Variants in KCNC3 observed in about 807,000 individuals in gnomAD.
KCNC3 encodes the protein potassium voltage-gated channel subfamily C member 3, also known as voltage-gated potassium channel KCNC3.
Under a neutral mutation model 43.9 loss-of-function variants are expected in KCNC3, and 22 were observed. That is an observed-to-expected ratio of 0.50 (90% CI 0.36 to 0.72). The LOEUF (loss-of-function observed/expected upper bound fraction) is 0.72, where lower values mean the gene tolerates loss of function less well. Among genes scored for constraint, KCNC3 ranks in the 30% least tolerant of loss-of-function variants. The pLI is 0.00. For missense variants in KCNC3, 829 were observed against 1,073.8 expected, an observed-to-expected ratio of 0.77 and a Z score of 3.19; for synonymous variants, 492 against 488.0, an observed-to-expected ratio of 1.01 and a Z score of -0.11.
intron 4 of KCNC3, among the ~76,000 whole-genome samples, chr19:50,317,485 G>C (rs969653865): frequency 1.3e-5 from 2 of 152,100 alleles, no homozygotes; most frequent in Non-Finnish European, 2.9e-5. Context: ...TTCCACAGAC[G>C]GCTGTTGAAT....
rs1347521142 is a variant in KCNC3 at position 50,314,724 on chromosome 19, A to T, written c.*1391T>A. On this transcript the variant is annotated 3_prime_UTR_variant, in exon 5 of 5. Transcript: ENST00000477616. ...CCCGGGGGTGTCTGCTGGCATCGTC[A>T]TCTCGGTTGCATATTATTAATGACT... 2 of 439,978 alleles carry T rather than the reference A, an allele frequency of 4.5e-6. No homozygotes were observed. Among genetic ancestry groups the T allele is most frequent in the East Asian group, 8.3e-5 (1 of 12,088 alleles). 27.3% of individuals were successfully genotyped at this position (439,978 alleles called of 1,614,324 possible).
At position 50,322,801 on chromosome 19, in the gene KCNC3, A is replaced by G. The variant is rs546159113; in HGVS notation, c.1978+174T>C. On this transcript the variant is annotated intron_variant, in intron 2 of 4. Coordinates refer to ENST00000477616, the MANE Select transcript of KCNC3 (RefSeq NM_004977.3). ...CCCAAAACTCTTTCCCATGAAACCTATGTCTCTGTGTGATTATCTGTGCCT... is the reference window on the plus strand; with the variant it reads ...CCCAAAACTCTTTCCCATGAAACCTGTGTCTCTGTGTGATTATCTGTGCCT... Among the ~76,000 whole-genome samples the G allele has an allele frequency of 2.6e-5, 4 of 152,086 alleles. 1 individual carries two copies. In the South Asian group the frequency reaches 6.2e-4, roughly 24 times the overall value.
chr19:50,326,210 G>GT (rs1433183887), intron 1 of KCNC3, among the ~76,000 whole-genome samples: 3 of 152,166 alleles, frequency 2.0e-5, no homozygotes, highest in Non-Finnish European at 4.4e-5. Flanking sequence ...GAGTAAATGA[G>GT]TATCTCCCGT....
chr19:50,331,654 CT>C (rs1214138168), upstream of KCNC3, among the ~76,000 whole-genome samples: 1 of 150,832 alleles, frequency 6.6e-6, no homozygotes, highest in East Asian at 2.0e-4. Context: ...ATTTCCCCCT[CT>C]TCCGTCTCTT....
At position 50,329,359 on chromosome 19, in the gene KCNC3, C is replaced by T. The variant is rs1274497801; in HGVS notation, c.-277G>A. ...AGGGAGGAGGGGCGGGGCGGGGCGT[C>T]AAGGGAGGCGGGACCGGTTACTACT... is the stretch of plus-strand genomic sequence containing the variant. On this transcript the variant is annotated 5_prime_UTR_variant, in exon 1 of 5. Transcript: ENST00000477616. The T allele has an allele frequency of 5.2e-6, 1 of 192,306 alleles. No homozygotes were observed. Among genetic ancestry groups the T allele is most frequent in the African/African-American group, 2.4e-5 (1 of 41,554 alleles). The allele number at this position is 192,306 out of a possible 1,614,324, so 11.9% of individuals were successfully genotyped here. A position where few individuals can be genotyped will look rare whatever the true frequency, so the allele number is the denominator to read the frequency against.
At chr19:50,321,739 C>T (rs184626741) in intron 2 of KCNC3, among the ~76,000 whole-genome samples, 27 of 151,962 alleles carry the variant, frequency 1.8e-4, no homozygotes, top group East Asian at 7.7e-4. Flanking sequence ...CACTGCACTC[C>T]GGCCTGGGAG....
chr19:50,320,216 T>C lies in KCNC3; in HGVS notation c.*23+7A>G. The C allele has an allele frequency of 5.3e-6, 1 of 189,918 alleles. No homozygotes were observed. The highest frequency in any genetic ancestry group is 7.1e-5 in the South Asian group (1 of 14,072). The allele number at this position is 189,918 out of a possible 1,614,324, so 11.8% of individuals were successfully genotyped here. On this transcript the variant is annotated splice_region_variant and intron_variant, in intron 4 of 4. Coordinates refer to ENST00000477616, the MANE Select transcript of KCNC3 (RefSeq NM_004977.3). The stretch of plus-strand genomic sequence containing the variant: ...GTCCGGGGGATCAGAGGGTGGGGGC[T>C]ACTTACCCCGGGGGGAGGGGGTTCG...
upstream of KCNC3, among the ~76,000 whole-genome samples, chr19:50,330,305 A>T (rs2037172480): frequency 6.6e-6 from 1 of 151,884 alleles, no homozygotes. Flanking sequence ...AACGTCTTGA[A>T]TGGGCGGTAG....
upstream of KCNC3, among the ~76,000 whole-genome samples, chr19:50,331,869 CT>C (rs1305451522): frequency 6.6e-6 from 1 of 152,040 alleles, no homozygotes; most frequent in Non-Finnish European, 1.5e-5. Context: ...GTCTCCGTTC[CT>C]TTTTCTCAGA....
chr19:50,318,328 C>T (rs1379231411), intron 4 of KCNC3, among the ~76,000 whole-genome samples: 1 of 152,018 alleles, frequency 6.6e-6, no homozygotes, highest in Non-Finnish European at 1.5e-5. Context: ...GTGCCCACCA[C>T]CACGCATGGC....
At position 50,320,886 on chromosome 19, in the gene KCNC3, C is replaced by A. The variant is rs1006128927; in HGVS notation, c.1979-102G>T. 5.2e-6 allele frequency: 6 copies of A among 1,154,250 alleles called. No homozygotes were observed. The South Asian group carries it at 6.8e-5, about 13-fold the overall frequency. The allele number at this position is 1,154,250 out of a possible 1,614,324, so 71.5% of individuals were successfully genotyped here. ...TGCGAGGAGCAGATGCTGGGATGGTCGGCGGATGTTTGGCACTGGAAGTGG... is the reference window on the plus strand; with the variant it reads ...TGCGAGGAGCAGATGCTGGGATGGTAGGCGGATGTTTGGCACTGGAAGTGG... On this transcript the variant is annotated intron_variant, in intron 2 of 4. Coordinates refer to ENST00000477616, the MANE Select transcript of KCNC3 (RefSeq NM_004977.3).
chr19:50,325,520 C>CG (rs367666489), intron 1 of KCNC3, among the ~76,000 whole-genome samples: 7 of 152,070 alleles, frequency 4.6e-5, no homozygotes, highest in South Asian at 4.1e-4. Flanking sequence ...TGGAGAGTTT[C>CG]GGGGCCACAG....
chr19:50,328,543 G>A lies in KCNC3; in HGVS notation c.540C>T (p.Asp180=). 1.2e-6 allele frequency: 2 copies of A among 1,610,680 alleles called. No individual in the cohort carries two copies. The highest frequency in any genetic ancestry group is 2.2e-5 in the East Asian group (1 of 44,794). ...ELGFWGIDET[D]VEACCWMTYR... ...AGGTCATCCAGCAGCAGGCCTCCAC[G>A]TCGGTCTCGTCGATGCCCCAGAAGC... Residue 180 remains aspartate (D), a synonymous_variant, in exon 1 of 5, where the codon GAC becomes GAT. Transcript: ENST00000477616.
intron 1 of KCNC3, among the ~76,000 whole-genome samples, chr19:50,325,750 GC>G (rs1402646403): frequency 2.6e-5 from 4 of 152,030 alleles, no homozygotes; most frequent in South Asian, 2.1e-4. Context: ...GCGCACGGCG[GC>G]CAGTACCGCG....
rs1202374695 is a variant in KCNC3, at chr19:50,312,717, C to G, written c.*3398G>C. Reference sequence around the variant, plus strand: ...GAGACGTTGGGAAGAGGTCAGTACCCTTTGGAAAAGACCCTCACCCCCTTT... The same window carrying G: ...GAGACGTTGGGAAGAGGTCAGTACCGTTTGGAAAAGACCCTCACCCCCTTT... On this transcript the variant is annotated 3_prime_UTR_variant, in exon 5 of 5. Coordinates refer to ENST00000477616, the MANE Select transcript of KCNC3 (RefSeq NM_004977.3). 2.6e-5 allele frequency: 4 copies of G among 152,160 alleles called. No homozygotes were observed. Among genetic ancestry groups the G allele is most frequent in the Non-Finnish European group, 5.9e-5 (4 of 68,028 alleles). 9.4% of individuals were successfully genotyped at this position (152,160 alleles called of 1,614,324 possible). A position where few individuals can be genotyped will look rare whatever the true frequency, so the allele number is the denominator to read the frequency against.
chr19:50,323,186 G>A lies in KCNC3; in HGVS notation c.1767C>T (p.His589=), dbSNP rs778272834. The A allele has an allele frequency of 1.2e-4, 187 of 1,517,604 alleles. No homozygotes were observed. The highest frequency in any genetic ancestry group is 2.9e-4 in the East Asian group (12 of 40,808). The allele number at this position is 1,517,604 out of a possible 1,614,324, so 94.0% of individuals were successfully genotyped here. The change falls in exon 2 of 5, where the codon CAC becomes CAT. Residue 589 remains histidine, a synonymous_variant. Coordinates refer to ENST00000477616, the MANE Select transcript of KCNC3 (RefSeq NM_004977.3). The part of the protein sequence containing the change: ...PPPPPPPHPH[H]GSGGISPPPP... ...GCGGCGGGCTGATGCCCCCGCTGCCGTGGTGCGGGTGGGGCGGGGGTGGCG... is the reference window on the plus strand; with the variant it reads ...GCGGCGGGCTGATGCCCCCGCTGCCATGGTGCGGGTGGGGCGGGGGTGGCG...
chr19:50,323,257 G>T lies in KCNC3; in HGVS notation c.1696C>A (p.Pro566Thr). 6.2e-7 allele frequency: 1 copy of T among 1,602,614 alleles called. No homozygotes were observed. Among genetic ancestry groups the T allele is most frequent in the Non-Finnish European group, 8.5e-7 (1 of 1,179,250 alleles). ...PKKKNKHIPR[P>T]PQPGSPNYCK... ...TAGTTGGGCGAGCCCGGTTGCGGGG[G>T]CCGGGGGATGTGTTTGTTCTTCTTC... The change falls in exon 2 of 5, where the codon CCC (proline) becomes ACC (threonine). Residue 566 changes from proline (P) to threonine (T), a missense_variant. Pro to Thr is a conservative substitution (Grantham distance 38). Transcript: ENST00000477616.
At chr19:50,327,827 A>G (rs565614308) in intron 1 of KCNC3, among the ~76,000 whole-genome samples, 2,375 of 151,698 alleles carry the variant, frequency 0.016, 60 homozygotes, top group African/African-American at 0.054. Context: ...AAGAGATTTG[A>G]TGGGGCCCAG....
chr19:50,320,040 G>A (rs969355735), intron 4 of KCNC3, among the ~76,000 whole-genome samples, 183 bp downstream of exon 4: 3 of 147,662 alleles, frequency 2.0e-5, no homozygotes, highest in African/African-American at 7.6e-5. Context: ...GTGAGGAGCA[G>A]GGTGAGTCCT....
Sources: allele counts gnomAD v4.1 joint callset (sites outside exome capture counted in the v4.1 genomes callset), GRCh38; gene constraint gnomAD v4.1.1; transcripts MANE v1.5; gene names NCBI Gene and HGNC (gene_info 2026-07-23, HGNC 2026-07-21).